The following IQGAP2 variants were observed in gnomAD, a reference collection of about 807,000 sequenced individuals.
IQGAP2 encodes the protein ras GTPase-activating-like protein IQGAP2.
Under a neutral mutation model 201.3 loss-of-function variants are expected in IQGAP2, and 173 were observed. The ratio of observed to expected loss-of-function variants is 0.86; its 90% CI spans 0.76 to 0.98. IQGAP2 has a LOEUF of 0.98. IQGAP2 is among the 50% of genes least tolerant of loss of function. The pLI, the probability that IQGAP2 is intolerant of heterozygous loss-of-function variation, is 0.00. For missense variants in IQGAP2, 1,687 were observed against 1,864.8 expected, an observed-to-expected ratio of 0.90 and a Z score of 1.76; for synonymous variants, 675 against 673.9, an observed-to-expected ratio of 1.00 and a Z score of -0.03.
intron 30 of IQGAP2, among the ~76,000 whole-genome samples, chr5:76,689,423 A>C (rs1248882518): frequency 6.6e-6 from 1 of 152,122 alleles, no homozygotes; most frequent in Non-Finnish European, 1.5e-5. Context: ...TGATGATCAC[A>C]TGAAATTATA....
chr5:76,650,188 G>A (rs1415185388), intron 17 of IQGAP2, among the ~76,000 whole-genome samples: 1 of 152,182 alleles, frequency 6.6e-6, no homozygotes, highest in Admixed American at 6.5e-5. Flanking sequence ...GGGTGGGGAT[G>A]CAAATCCAAA....
At position 76,535,911 on chromosome 5, in the gene IQGAP2, T is replaced by C. The variant is rs557398909; in HGVS notation, c.147-26485T>C. On this transcript the variant is annotated intron_variant, in intron 2 of 35. Coordinates refer to ENST00000274364, the MANE Select transcript of IQGAP2 (RefSeq NM_006633.5). ...TAGAGGAGGTGAGTAGGGATGGTGA[T>C]GGGAATTAAGAGAATTGTTTTTTGT... Among the ~76,000 whole-genome samples, 61 of 152,228 alleles carry C rather than the reference T, an allele frequency of 4.0e-4. 1 individual carries two copies. The South Asian group carries it at 0.012, about 30-fold the overall frequency.
At chr5:76,454,285 T>C (rs1226458633) in intron 1 of IQGAP2, among the ~76,000 whole-genome samples, 2 of 151,898 alleles carry the variant, frequency 1.3e-5, no homozygotes, top group Non-Finnish European at 2.9e-5. Flanking sequence ...ATTAGATATA[T>C]ATATATTTTT....
intron 4 of IQGAP2, among the ~76,000 whole-genome samples, chr5:76,572,526 G>A (rs751695643): frequency 6.6e-6 from 1 of 151,954 alleles, no homozygotes; most frequent in Non-Finnish European, 1.5e-5. Context: ...GAAATAGTAT[G>A]TAGGATAACC....
chr5:76,564,887 C>T (rs186975972), intron 3 of IQGAP2, among the ~76,000 whole-genome samples: 4 of 152,158 alleles, frequency 2.6e-5, no homozygotes, highest in South Asian at 2.1e-4. Flanking sequence ...CCAGCTGTGG[C>T]GTGGGAGCCC....
chr5:76,428,168 A>G (rs1752122263), intron 1 of IQGAP2, among the ~76,000 whole-genome samples: 2 of 152,178 alleles, frequency 1.3e-5, no homozygotes, highest in South Asian at 2.1e-4. Flanking sequence ...CCAGCCCCTC[A>G]GAAGGGCTTT....
In IQGAP2 at chr5:76,701,219, T is replaced by A; in HGVS notation, c.4505+6T>A. On this transcript the variant is annotated splice_donor_region_variant and intron_variant, in intron 34 of 35. Transcript: ENST00000274364. ...GATGATCTTCAAACAAACCAGTAAG[T>A]GTGACCTGGAATCTGCATAGAACAC... 6.2e-7 allele frequency: 1 copy of A among 1,613,816 alleles called. No homozygotes were observed.
chr5:76,476,957 A>G (rs1355908699), intron 2 of IQGAP2, among the ~76,000 whole-genome samples: 1 of 152,206 alleles, frequency 6.6e-6, no homozygotes, highest in Admixed American at 6.5e-5. Flanking sequence ...ACTATATGCA[A>G]CAGCCTCTTA....
chr5:76,498,924 G>T (rs1757131661), intron 2 of IQGAP2, among the ~76,000 whole-genome samples: 1 of 152,234 alleles, frequency 6.6e-6, no homozygotes, highest in Non-Finnish European at 1.5e-5. Context: ...TTGTTACGGG[G>T]TGGGATGAGG....
chr5:76,627,717 GT>G (rs1405163868), intron 14 of IQGAP2, among the ~76,000 whole-genome samples: 2 of 152,282 alleles, frequency 1.3e-5, no homozygotes, highest in East Asian at 3.9e-4. Context: ...AATCCAGAAG[GT>G]AAAAAATAGT....
intron 2 of IQGAP2, among the ~76,000 whole-genome samples, chr5:76,463,786 T>C (rs1226892969): frequency 6.6e-6 from 1 of 152,144 alleles, no homozygotes; most frequent in Non-Finnish European, 1.5e-5. Context: ...GATGAGTATA[T>C]TAGATGTAGT....
chr5:76,674,345 G>C (rs1201351917), intron 26 of IQGAP2, 132 bp from the exon 27 acceptor site: 2 of 613,062 alleles, frequency 3.3e-6, no homozygotes, highest in Non-Finnish European at 5.8e-6. Flanking sequence ...TCCTTGTTAG[G>C]ATTTACATCA....
chr5:76,499,409 C>T (rs1757155719), intron 2 of IQGAP2, among the ~76,000 whole-genome samples: 1 of 152,126 alleles, frequency 6.6e-6, no homozygotes, highest in South Asian at 2.1e-4. Flanking sequence ...GCTTCTTGTC[C>T]AAATCTCCTT....
At chr5:76,617,582 C>T in intron 13 of IQGAP2, 2 of 1,602,170 alleles carry the variant, frequency 1.2e-6, no homozygotes, top group Non-Finnish European at 1.7e-6. Flanking sequence ...GATCATTTCA[C>T]TATTTTGTAA....
At chr5:76,650,327 G>A (rs1219482053) in intron 17 of IQGAP2, among the ~76,000 whole-genome samples, 1 of 152,216 alleles carries the variant, frequency 6.6e-6, no homozygotes, top group African/African-American at 2.4e-5. Flanking sequence ...ATAATAAAAT[G>A]TTAAATAGTA....
At chr5:76,408,271 T>A (rs1228720850) in intron 1 of IQGAP2, among the ~76,000 whole-genome samples, 2 of 152,202 alleles carry the variant, frequency 1.3e-5, no homozygotes, top group African/African-American at 4.8e-5. Context: ...GTCAGGTAAG[T>A]CCTACAGGGC....
intron 10 of IQGAP2, among the ~76,000 whole-genome samples, chr5:76,598,709 A>C (rs1392264973): frequency 6.6e-6 from 1 of 152,204 alleles, no homozygotes; most frequent in Non-Finnish European, 1.5e-5. Flanking sequence ...ATAAGCCTGA[A>C]GGATATGAAC....
intron 8 of IQGAP2, among the ~76,000 whole-genome samples, chr5:76,591,925 G>C (rs1326718628): frequency 6.6e-6 from 1 of 152,154 alleles, no homozygotes; most frequent in Non-Finnish European, 1.5e-5. Context: ...GTTTGTCTCA[G>C]AACTCTTTTT....
In IQGAP2 at chr5:76,631,985, A is replaced by G. The variant is rs764047209; in HGVS notation, c.1739A>G (p.Tyr580Cys). Reference protein sequence around the residue: ...DIIPECADKYYDALVKAKELK... With the variant: ...DIIPECADKYCDALVKAKELK... ...ATCCCGGAGTGTGCTGACAAATACT[A>G]TGATGCCCTTGTGAAGGCAAAAGAG... is the stretch of plus-strand genomic sequence containing the variant. The change falls in exon 15 of 36, where the codon TAT (tyrosine) becomes TGT (cysteine). Residue 580 changes from tyrosine to cysteine, a missense_variant. Physicochemically the swap from Tyr to Cys is radical, Grantham distance 194. Coordinates refer to ENST00000274364, the MANE Select transcript of IQGAP2 (RefSeq NM_006633.5). The G allele has an allele frequency of 3.7e-5, 59 of 1,611,536 alleles. No individual in the cohort carries two copies. In the Admixed American group the frequency reaches 3.7e-4, roughly 10 times the overall value.
Sources: allele counts gnomAD v4.1 joint callset (sites outside exome capture counted in the v4.1 genomes callset), GRCh38; gene constraint gnomAD v4.1.1; transcripts MANE v1.5; gene names NCBI Gene and HGNC (gene_info 2026-07-23, HGNC 2026-07-21).